Variants in DGKI observed in about 807,000 individuals in gnomAD.
The protein encoded by DGKI is diacylglycerol kinase iota.
DGKI carries 55 observed loss-of-function variants against 147.5 expected under a neutral mutation model. That is an observed-to-expected ratio of 0.37 (90% CI 0.30 to 0.47). The LOEUF is 0.47. Among genes scored for constraint, DGKI ranks in the 20% least tolerant of loss-of-function variants. The pLI, the probability that DGKI is intolerant of heterozygous loss-of-function variation, is 1.00. For synonymous variants in DGKI, 469 were observed against 477.1 expected (o/e 0.98, Z 0.22); for missense variants, 1,007 against 1,323.8 (o/e 0.76, Z 3.71).
chr7:137,569,728 CAAAAAAAAAAAAAAAAAAAAAAAA>C (rs60719355), intron 19 of DGKI, among the ~76,000 whole-genome samples: 664 of 64,610 alleles, frequency 0.01, 7 homozygotes, highest in African/African-American at 0.042. Flanking sequence ...GACTCTGTCT[CAAAAAAAAAAAAAAAAAAAAAAAA>C]AAAAAAAAAA....
chr7:137,598,348 C>A (rs1200291732), intron 11 of DGKI, among the ~76,000 whole-genome samples: 1 of 151,988 alleles, frequency 6.6e-6, no homozygotes, highest in African/African-American at 2.4e-5. Flanking sequence ...GATGTATTTA[C>A]TTCTTCTAAC....
At chr7:137,767,471 G>GGAAAAGAAGAGAAGAGAAGA (rs1796046419) in intron 1 of DGKI, among the ~76,000 whole-genome samples, 1 of 89,616 alleles carries the variant, frequency 1.1e-5, no homozygotes, top group African/African-American at 5.0e-5. Flanking sequence ...AGAAGAGAAG[G>GGAAAAGAAGAGAAGAGAAGA]GAAGAGAAGA....
At chr7:137,773,109 C>T (rs769615255) in intron 1 of DGKI, among the ~76,000 whole-genome samples, 54 of 152,234 alleles carry the variant, frequency 3.5e-4, no homozygotes, top group Non-Finnish European at 6.3e-4. Context: ...CCACATTTTA[C>T]TTCTACAAAC....
At chr7:137,483,070 T>C (rs1815426882) in intron 23 of DGKI, among the ~76,000 whole-genome samples, 1 of 152,098 alleles carries the variant, frequency 6.6e-6, no homozygotes, top group Non-Finnish European at 1.5e-5. Flanking sequence ...AAAAATATCA[T>C]TAATCCTTCT....
chr7:137,808,176 T>G (rs1797440795), intron 1 of DGKI, among the ~76,000 whole-genome samples: 1 of 152,160 alleles, frequency 6.6e-6, no homozygotes, highest in Non-Finnish European at 1.5e-5. Flanking sequence ...CAACCAATAT[T>G]TTTCCAGTAA....
intron 1 of DGKI, among the ~76,000 whole-genome samples, chr7:137,797,533 C>G (rs549209898): frequency 6.6e-6 from 1 of 152,014 alleles, no homozygotes; most frequent in South Asian, 2.1e-4. Context: ...AATAATTACA[C>G]AAAAGAGAAG....
chr7:137,643,243 A>G (rs1180664613), intron 6 of DGKI, among the ~76,000 whole-genome samples: 1 of 137,878 alleles, frequency 7.3e-6, no homozygotes, highest in Non-Finnish European at 1.5e-5. Context: ...GTGAGTGGAG[A>G]TCGCGCCACT....
Position 137,583,947 on chromosome 7 carries a change from A to G in DGKI, c.1563+1262T>C, listed in dbSNP as rs375320412. On this transcript the variant is annotated intron_variant, in intron 14 of 32. Coordinates refer to ENST00000614521, the MANE Select transcript of DGKI (RefSeq NM_001321708.2). ...TCAGGATCATGGTTTAGGTGAAAAA[A>G]CCATAAAGACAGAGTAAAACATGTT... Among the ~76,000 whole-genome samples the G allele has an allele frequency of 1.2e-4, 18 of 152,272 alleles. No individual in the cohort carries two copies. The South Asian group carries it at 3.1e-3, about 26-fold the overall frequency.
intron 17 of DGKI, among the ~76,000 whole-genome samples, chr7:137,576,569 G>A (rs959662859): frequency 2.0e-5 from 3 of 151,586 alleles, no homozygotes; most frequent in African/African-American, 7.3e-5. Context: ...TTCTATTTTT[G>A]AATGTGTCAC....
At chr7:137,615,209 A>T (rs1414512020) in intron 8 of DGKI, among the ~76,000 whole-genome samples, 1 of 152,038 alleles carries the variant, frequency 6.6e-6, no homozygotes, top group African/African-American at 2.4e-5. Flanking sequence ...AAAGATGCAT[A>T]CTGACCAAAA....
intron 2 of DGKI, among the ~76,000 whole-genome samples, chr7:137,688,115 A>G (rs964224469): frequency 6.6e-6 from 1 of 152,174 alleles, no homozygotes; most frequent in African/African-American, 2.4e-5. Flanking sequence ...AACTATTTCC[A>G]ACATCAAATG....
At chr7:137,469,242 T>G (rs1814785374) in intron 24 of DGKI, among the ~76,000 whole-genome samples, 1 of 152,194 alleles carries the variant, frequency 6.6e-6, no homozygotes, top group Non-Finnish European at 1.5e-5. Flanking sequence ...GCTACTGGTC[T>G]GAATTAATTT....
At chr7:137,432,216 A>G (rs974934032) in intron 28 of DGKI, among the ~76,000 whole-genome samples, 8 of 152,148 alleles carry the variant, frequency 5.3e-5, no homozygotes, top group African/African-American at 1.9e-4. Context: ...TCTTTTCTTT[A>G]CAAATTACCC....
At chr7:137,599,190 T>C (rs935621046) in intron 11 of DGKI, among the ~76,000 whole-genome samples, 1 of 152,168 alleles carries the variant, frequency 6.6e-6, no homozygotes. Context: ...TTCCACTGTG[T>C]GCCTCTCCAC....
chr7:137,721,965 G>C, intron 1 of DGKI: 1 of 1,411,562 alleles, frequency 7.1e-7, no homozygotes, highest in Non-Finnish European at 9.6e-7. Context: ...ATAGCATAGT[G>C]AGCTCTTTCC....
At chr7:137,820,313 TAAC>T (rs910880136) in intron 1 of DGKI, among the ~76,000 whole-genome samples, 3 of 152,182 alleles carry the variant, frequency 2.0e-5, no homozygotes, top group Non-Finnish European at 4.4e-5. Context: ...AAAAGCCACT[TAAC>T]TACCTACTGA....
intron 1 of DGKI, among the ~76,000 whole-genome samples, chr7:137,720,297 G>A (rs201136853): frequency 1.4e-4 from 17 of 120,642 alleles, no homozygotes; most frequent in East Asian, 9.8e-4. Context: ...TCGCTCTTTC[G>A]CCCAGGCTGG....
intron 19 of DGKI, among the ~76,000 whole-genome samples, chr7:137,569,665 C>T (rs1006716430): frequency 7.6e-6 from 1 of 130,976 alleles, no homozygotes; most frequent in Non-Finnish European, 1.6e-5. Context: ...GGAGGTAGAG[C>T]TTGCAGTGAG....
intron 23 of DGKI, among the ~76,000 whole-genome samples, chr7:137,470,870 T>G (rs1814854475): frequency 6.6e-6 from 1 of 152,146 alleles, no homozygotes; most frequent in African/African-American, 2.4e-5. Flanking sequence ...AAAGCTGCCC[T>G]TCCAAGAGAT....
Sources: gnomAD v4.1 joint callset for allele counts (sites outside exome capture counted in the v4.1 genomes callset) on GRCh38, gnomAD v4.1.1 for gene constraint, MANE v1.5 for transcripts, NCBI Gene and HGNC (gene_info 2026-07-23, HGNC 2026-07-21) for gene names.